Variants in KCNIP4 observed in about 807,000 individuals in gnomAD.
The protein encoded by KCNIP4 is Kv channel-interacting protein 4.
Under a neutral mutation model 34.0 loss-of-function variants are expected in KCNIP4, and 12 were observed. The ratio of observed to expected loss-of-function variants is 0.35; its 90% CI spans 0.23 to 0.57. The LOEUF (loss-of-function observed/expected upper bound fraction) is 0.57, where lower values mean the gene tolerates loss of function less well. KCNIP4 is among the 20% of genes least tolerant of loss of function. The pLI is 0.83. For missense variants in KCNIP4, 238 were observed against 311.7 expected, an observed-to-expected ratio of 0.76 and a Z score of 1.78; for synonymous variants, 124 against 102.2, an observed-to-expected ratio of 1.21 and a Z score of -1.29.
At chr4:21,516,411 C>T (rs73252231) in intron 1 of KCNIP4, among the ~76,000 whole-genome samples, 5,442 of 152,280 alleles carry the variant, frequency 0.036, 94 homozygotes, top group South Asian at 0.051. Flanking sequence ...TCACCCTTTT[C>T]CTTTCACCCA....
At chr4:21,808,089 CAT>C (rs1721410228) in intron 1 of KCNIP4, among the ~76,000 whole-genome samples, 1 of 152,138 alleles carries the variant, frequency 6.6e-6, no homozygotes, top group African/African-American at 2.4e-5. Flanking sequence ...ATAGTTTTGA[CAT>C]ATGTATATCA....
At chr4:20,869,799 G>A (rs191696728) in intron 2 of KCNIP4, among the ~76,000 whole-genome samples, 1 of 152,094 alleles carries the variant, frequency 6.6e-6, no homozygotes, top group Admixed American at 6.6e-5. Context: ...AGAATATTTA[G>A]GAGTGAGGGG....
intron 1 of KCNIP4, among the ~76,000 whole-genome samples, chr4:21,743,688 A>G (rs942105300): frequency 1.3e-5 from 2 of 151,296 alleles, no homozygotes; most frequent in African/African-American, 4.9e-5. Context: ...TTCTCCATAT[A>G]TCACTTTTAA....
rs72214909 is a variant in KCNIP4, at chr4:21,409,275, T to TA, written c.62-526567dup. Among the ~76,000 whole-genome samples the TA allele has an allele frequency of 5.7e-3, 835 of 147,512 alleles. 9 individuals are homozygous for TA. The highest frequency in any genetic ancestry group is 0.018 in the African/African-American group (712 of 40,070). ...GTGTGTGCCACCGTATCTGGTTAATTAAAAAAAAAAAACTTCTATTTTGGA... is the reference window on the plus strand; with the variant it reads ...GTGTGTGCCACCGTATCTGGTTAATTAAAAAAAAAAAAACTTCTATTTTGGA... On this transcript the variant is annotated intron_variant, in intron 1 of 8. Transcript: ENST00000382152.
intron 1 of KCNIP4, among the ~76,000 whole-genome samples, chr4:21,650,663 T>G (rs545761897): frequency 6.6e-6 from 1 of 152,248 alleles, no homozygotes; most frequent in East Asian, 1.9e-4. Context: ...CTGCATAAAA[T>G]TTTACCTAAA....
intron 1 of KCNIP4, among the ~76,000 whole-genome samples, chr4:21,676,211 C>T (rs925380193): frequency 1.3e-5 from 2 of 152,138 alleles, no homozygotes; most frequent in Admixed American, 1.3e-4. Flanking sequence ...TTCCCACAGT[C>T]AGAGAACTTC....
At chr4:21,119,995 C>T (rs1446061317) in intron 1 of KCNIP4, among the ~76,000 whole-genome samples, 1 of 152,094 alleles carries the variant, frequency 6.6e-6, no homozygotes, top group Non-Finnish European at 1.5e-5. Flanking sequence ...GTGTGAGACT[C>T]CTGGGAAGGG....
At chr4:21,028,352 C>A (rs1740726613) in intron 1 of KCNIP4, among the ~76,000 whole-genome samples, 1 of 152,186 alleles carries the variant, frequency 6.6e-6, no homozygotes, top group African/African-American at 2.4e-5. Flanking sequence ...ACTCAAAACT[C>A]TCCAACAGCC....
chr4:21,089,519 G>C (rs1420285307), intron 1 of KCNIP4, among the ~76,000 whole-genome samples: 1 of 152,114 alleles, frequency 6.6e-6, no homozygotes, highest in Non-Finnish European at 1.5e-5. Context: ...GTCATCAATG[G>C]TAACGTGTCA....
At chr4:21,093,153 C>G (rs1221053687) in intron 1 of KCNIP4, among the ~76,000 whole-genome samples, 1 of 152,160 alleles carries the variant, frequency 6.6e-6, no homozygotes, top group African/African-American at 2.4e-5. Flanking sequence ...GTTGAGCAGG[C>G]AACATTGTTT....
intron 1 of KCNIP4, among the ~76,000 whole-genome samples, chr4:21,440,506 A>G (rs1290091427): frequency 6.6e-6 from 1 of 152,206 alleles, no homozygotes. Context: ...CAAACCCTGC[A>G]GTGATTGCTT....
chr4:20,840,121 C>A (rs1179657477), intron 3 of KCNIP4, among the ~76,000 whole-genome samples: 1 of 152,146 alleles, frequency 6.6e-6, no homozygotes, highest in Non-Finnish European at 1.5e-5. Flanking sequence ...CCTTGCTAGA[C>A]AACATTTTAT....
chr4:21,642,278 G>C (rs966080648), intron 1 of KCNIP4, among the ~76,000 whole-genome samples: 1 of 151,906 alleles, frequency 6.6e-6, no homozygotes, highest in Admixed American at 6.6e-5. Context: ...CTCGGTTACA[G>C]TGTCAGCTAT....
chr4:21,215,591 C>T (rs957207728), intron 1 of KCNIP4, among the ~76,000 whole-genome samples: 1 of 152,142 alleles, frequency 6.6e-6, no homozygotes, highest in African/African-American at 2.4e-5. Flanking sequence ...TATACCATTT[C>T]ACTGTGATCT....
chr4:21,765,326 T>C (rs1718339133), intron 1 of KCNIP4, among the ~76,000 whole-genome samples: 1 of 151,930 alleles, frequency 6.6e-6, no homozygotes, highest in South Asian at 2.1e-4. Flanking sequence ...ATTGGGCCAC[T>C]GGAGTGGTCT....
intron 1 of KCNIP4, among the ~76,000 whole-genome samples, chr4:20,987,904 G>A (rs1392720824): frequency 6.7e-6 from 1 of 149,166 alleles, no homozygotes; most frequent in Non-Finnish European, 1.5e-5. Flanking sequence ...GGGAGGCTGA[G>A]GCAGGAGTAC....
At position 20,749,635 on chromosome 4, in the gene KCNIP4, A is replaced by G. The variant is rs773853961; in HGVS notation, c.429+27T>C. 3 of 1,497,220 alleles carry G rather than the reference A, an allele frequency of 2.0e-6. No homozygotes were observed. In the South Asian group the frequency reaches 3.5e-5, roughly 18 times the overall value. The allele number at this position is 1,497,220 out of a possible 1,614,324, so 92.7% of individuals were successfully genotyped here. ...AAAAGACTAAACTCTAAATAGTCAA[A>G]TGATATGAAAATAATCCAGAGCTTA... is the stretch of plus-strand genomic sequence containing the variant. On this transcript the variant is annotated intron_variant, in intron 5 of 8. Transcript: ENST00000382152.
chr4:21,225,269 C>T (rs1458958478), intron 1 of KCNIP4, among the ~76,000 whole-genome samples: 2 of 152,028 alleles, frequency 1.3e-5, no homozygotes, highest in African/African-American at 4.8e-5. Flanking sequence ...TTCATTTTTA[C>T]CAGGACAGTA....
chr4:21,257,500 C>A (rs1761138406), intron 1 of KCNIP4, among the ~76,000 whole-genome samples: 2 of 152,026 alleles, frequency 1.3e-5, no homozygotes, highest in Admixed American at 6.6e-5. Flanking sequence ...GTAATCCCGG[C>A]ACTTTGGGAG....
Sources: gnomAD v4.1 joint callset for allele counts (sites outside exome capture counted in the v4.1 genomes callset) on GRCh38, gnomAD v4.1.1 for gene constraint, MANE v1.5 for transcripts, NCBI Gene and HGNC (gene_info 2026-07-23, HGNC 2026-07-21) for gene names.